KCNH5: variants seen among roughly 807,000 people sequenced by gnomAD.
KCNH5 encodes potassium voltage-gated channel subfamily H member 5.
In KCNH5, 46 loss-of-function variants were observed where a neutral mutation model predicts 96.1. The ratio of observed to expected loss-of-function variants is 0.48; its 90% CI spans 0.38 to 0.61. The LOEUF (loss-of-function observed/expected upper bound fraction) is 0.61, where lower values mean the gene tolerates loss of function less well. Among genes scored for constraint, KCNH5 ranks in the 20% least tolerant of loss-of-function variants. KCNH5 has a pLI of 0.00. For missense variants in KCNH5, 907 were observed against 1,225.8 expected (o/e 0.74, Z 3.88); for synonymous variants, 439 against 449.8 (o/e 0.98, Z 0.30).
At chr14:62,759,499 A>G (rs544219045) in intron 10 of KCNH5, among the ~76,000 whole-genome samples, 1 of 147,478 alleles carries the variant, frequency 6.8e-6, no homozygotes, top group Non-Finnish European at 1.5e-5. Flanking sequence ...ACATTTGCTC[A>G]AAAGCTGAAA....
rs1484164489 is a variant in KCNH5 at position 62,703,381 on chromosome 14, T to C, written c.*4127A>G. ...AGAGTACATCGTGGATACTCTTCTA[T>C]GAAAGAATGAAAAAGTGATCACTTG... On this transcript the variant is annotated 3_prime_UTR_variant, in exon 11 of 11. Coordinates refer to ENST00000322893, the MANE Select transcript of KCNH5 (RefSeq NM_139318.5). 1 of 151,912 alleles carries C rather than the reference T, an allele frequency of 6.6e-6. No individual in the cohort carries two copies. The highest frequency in any genetic ancestry group is 2.4e-5 in the African/African-American group (1 of 41,446). 9.4% of individuals were successfully genotyped at this position (151,912 alleles called of 1,614,324 possible).
At position 62,980,986 on chromosome 14, in the gene KCNH5, C is replaced by T; in HGVS notation, c.828G>A (p.Glu276=). 1 of 1,614,088 alleles carries T rather than the reference C, an allele frequency of 6.2e-7. No individual in the cohort carries two copies. Among genetic ancestry groups the T allele is most frequent in the Non-Finnish European group, 8.5e-7 (1 of 1,180,008 alleles). Residue 276 remains glutamate (E), a synonymous_variant, in exon 6 of 11, where the codon GAG becomes GAA. Coordinates refer to ENST00000322893, the MANE Select transcript of KCNH5 (RefSeq NM_139318.5). ...TTATGAGCTTAGGGTCAGAAATGAC[C>T]TCTCCACCGGGCCCCACGAAAGTCG... ...FHTTFVGPGG[E]VISDPKLIRM... is the part of the protein sequence containing the mutation.
At chr14:62,811,273 T>C (rs1456737941) in intron 8 of KCNH5, among the ~76,000 whole-genome samples, 1 of 152,154 alleles carries the variant, frequency 6.6e-6, no homozygotes, top group Non-Finnish European at 1.5e-5. Flanking sequence ...AAATATCTGA[T>C]GGCTTGCTTC....
At chr14:62,737,907 G>A (rs1225719435) in intron 10 of KCNH5, among the ~76,000 whole-genome samples, 2 of 152,128 alleles carry the variant, frequency 1.3e-5, no homozygotes, top group Admixed American at 6.6e-5. Context: ...AAGGCCCCCA[G>A]TGGATGCCCA....
chr14:62,757,732 G>T (rs902529632), intron 10 of KCNH5, among the ~76,000 whole-genome samples: 4 of 152,126 alleles, frequency 2.6e-5, no homozygotes, highest in Admixed American at 2.0e-4. Flanking sequence ...TCACTTATTT[G>T]TGGGAGCTGA....
chr14:62,952,564 T>C (rs1464920619), intron 6 of KCNH5, among the ~76,000 whole-genome samples: 1 of 152,242 alleles, frequency 6.6e-6, no homozygotes, highest in Admixed American at 6.5e-5. Flanking sequence ...AATGATGTTA[T>C]AGATAATATT....
chr14:62,844,176 A>G (rs1450927737), intron 8 of KCNH5, among the ~76,000 whole-genome samples: 1 of 152,190 alleles, frequency 6.6e-6, no homozygotes, highest in Non-Finnish European at 1.5e-5. Context: ...ATTATAAAAC[A>G]TATGAAACAA....
intron 7 of KCNH5, among the ~76,000 whole-genome samples, chr14:62,880,536 G>A (rs2140075520): frequency 6.6e-6 from 1 of 152,282 alleles, no homozygotes; most frequent in South Asian, 2.1e-4. Context: ...CAGCAGCCAG[G>A]AGAGTCCTCG....
intron 8 of KCNH5, among the ~76,000 whole-genome samples, chr14:62,823,956 C>T (rs1006249003): frequency 2.6e-5 from 4 of 151,648 alleles, no homozygotes; most frequent in Non-Finnish European, 5.9e-5. Context: ...TTGCAGCAAA[C>T]GAATCTTTCT....
intron 1 of KCNH5, among the ~76,000 whole-genome samples, chr14:63,035,977 C>G (rs77862292): frequency 6.6e-6 from 1 of 152,152 alleles, no homozygotes; most frequent in African/African-American, 2.4e-5. Context: ...AACTCAACAC[C>G]TTTGCTCTTT....
intron 10 of KCNH5, among the ~76,000 whole-genome samples, chr14:62,773,323 A>T (rs935799000): frequency 1.3e-5 from 2 of 152,326 alleles, no homozygotes; most frequent in African/African-American, 4.8e-5. Flanking sequence ...TTTGAAATGA[A>T]ATCCTAACTC....
At chr14:62,889,075 G>A (rs1333136362) in intron 7 of KCNH5, among the ~76,000 whole-genome samples, 1 of 152,182 alleles carries the variant, frequency 6.6e-6, no homozygotes, top group Non-Finnish European at 1.5e-5. Flanking sequence ...GGCTGGAAGT[G>A]GCTGGATGTG....
intron 7 of KCNH5, among the ~76,000 whole-genome samples, chr14:62,920,745 C>G (rs1889366680): frequency 6.6e-6 from 1 of 152,098 alleles, no homozygotes; most frequent in African/African-American, 2.4e-5. Context: ...TATTCAAAGC[C>G]ATTAGATCTG....
chr14:63,033,785 T>A (rs1354254822), intron 1 of KCNH5, among the ~76,000 whole-genome samples: 3 of 97,518 alleles, frequency 3.1e-5, no homozygotes, highest in African/African-American at 1.5e-4. Flanking sequence ...TGGCAGGTAT[T>A]TTTTTTTTTC....
chr14:63,026,108 T>A (rs141697011), intron 1 of KCNH5, among the ~76,000 whole-genome samples: 86 of 152,090 alleles, frequency 5.7e-4, no homozygotes, highest in African/African-American at 2.0e-3. Flanking sequence ...AAACATACAA[T>A]GAGGAAAGGG....
intron 1 of KCNH5, among the ~76,000 whole-genome samples, chr14:63,040,246 G>A (rs1891797531): frequency 6.6e-6 from 1 of 152,118 alleles, no homozygotes; most frequent in Non-Finnish European, 1.5e-5. Context: ...AGGTGCCTAG[G>A]TAGATGGATG....
chr14:63,002,080 C>G lies in KCNH5; in HGVS notation c.305-621G>C, dbSNP rs113380942. On this transcript the variant is annotated intron_variant, in intron 3 of 10. Transcript: ENST00000322893. ...ATGTCCGATGTACACAGAGCTCTAC[C>G]TGAAACTGTTAAGGCAGCCTGAAGA... 2.3e-3 allele frequency among the ~76,000 whole-genome samples: 349 copies of G among 152,278 alleles called. 1 individual carries two copies. Among genetic ancestry groups the G allele is most frequent in the African/African-American group, 8.0e-3 (334 of 41,568 alleles).
At chr14:62,950,865 A>G (rs1889991721) in intron 6 of KCNH5, among the ~76,000 whole-genome samples, 1 of 152,176 alleles carries the variant, frequency 6.6e-6, no homozygotes, top group Non-Finnish European at 1.5e-5. Context: ...ACCGAAGATG[A>G]AAATTGCTCA....
intron 7 of KCNH5, among the ~76,000 whole-genome samples, chr14:62,920,840 T>C (rs1279706248): frequency 1.3e-5 from 2 of 152,154 alleles, no homozygotes; most frequent in Non-Finnish European, 2.9e-5. Context: ...GATATACATA[T>C]TACCAAAACT....
Sources: gnomAD v4.1 joint callset for allele counts (sites outside exome capture counted in the v4.1 genomes callset) on GRCh38, gnomAD v4.1.1 for gene constraint, MANE v1.5 for transcripts, NCBI Gene and HGNC (gene_info 2026-07-23, HGNC 2026-07-21) for gene names.